TNS3: variants seen among roughly 807,000 people sequenced by gnomAD.
TNS3 encodes the protein tensin-3.
In TNS3, 45 loss-of-function variants were observed where a neutral mutation model predicts 140.9. The ratio of observed to expected loss-of-function variants is 0.32; its 90% CI spans 0.25 to 0.41. The LOEUF (loss-of-function observed/expected upper bound fraction) is 0.41. Ranked by LOEUF, TNS3 falls within the 10% of genes least tolerant of loss-of-function variation. The probability of loss-of-function intolerance (pLI) is 1.00; values close to 1 mark genes in which losing one functional copy is unlikely to be tolerated. For synonymous variants in TNS3, 815 were observed against 788.4 expected (o/e 1.03, Z -0.56); for missense variants, 1,716 against 1,906.7 (o/e 0.90, Z 1.86).
At chr7:47,525,276 G>A (rs1014760408) in intron 2 of TNS3, among the ~76,000 whole-genome samples, 2 of 152,174 alleles carry the variant, frequency 1.3e-5, no homozygotes, top group African/African-American at 4.8e-5. Context: ...AAGAGGAGGC[G>A]GGAAAGCATC....
Position 47,368,858 on chromosome 7 carries a change from A to G in TNS3, c.1788T>C (p.Val596=). The G allele has an allele frequency of 6.2e-7, 1 of 1,613,672 alleles. No individual in the cohort carries two copies. The highest frequency in any genetic ancestry group is 1.7e-5 in the Admixed American group (1 of 60,008). The change falls in exon 17 of 31, where the codon GTT becomes GTC. Residue 596 remains valine, a synonymous_variant. Transcript: ENST00000311160. The stretch of plus-strand genomic sequence containing the variant: ...GGGCGAAGCTATACTGGTGAGCTAC[A>G]ACCATCTGCTGCTGGCGCACCCAGG... ...TQTWVRQQQM[V]VAHQYSFAPD...
intron 20 of TNS3, among the ~76,000 whole-genome samples, chr7:47,308,684 C>A (rs1287854204): frequency 6.6e-6 from 1 of 152,136 alleles, no homozygotes; most frequent in Non-Finnish European, 1.5e-5. Context: ...AGTCATGCTC[C>A]ATCTAGTGCA....
intron 20 of TNS3, 42 bp from the exon 21 acceptor site, chr7:47,305,045 G>T: frequency 7.6e-7 from 1 of 1,312,694 alleles, no homozygotes; most frequent in Non-Finnish European, 9.8e-7. Context: ...TCGGTTGTAG[G>T]ACTGGAGAAG....
chr7:47,368,807 G>T lies in TNS3; in HGVS notation c.1839C>A (p.Ser613Arg). ...FAPDGEARLV[S>R]RCPADNPGLV... ...GGCCAGGATTGTCTGCAGGGCAGCG[G>T]CTCACCAGCCGGGCCTCCCCATCTG... The change falls in exon 17 of 31, where the codon AGC becomes AGA. Residue 613 changes from serine (S) to arginine (R), a missense_variant. Ser to Arg is a moderately radical substitution (Grantham distance 110). Transcript: ENST00000311160. 1 of 1,609,672 alleles carries T rather than the reference G, an allele frequency of 6.2e-7. No homozygotes were observed.
intron 20 of TNS3, among the ~76,000 whole-genome samples, chr7:47,325,510 T>C (rs1460911006): frequency 1.3e-5 from 2 of 152,150 alleles, no homozygotes; most frequent in African/African-American, 4.8e-5. Flanking sequence ...ATTCCAGTGA[T>C]TTCTTAGTCC....
In TNS3 at chr7:47,297,185, C is replaced by G; in HGVS notation, c.3573G>C (p.Pro1191=). 6.2e-7 allele frequency: 1 copy of G among 1,613,128 alleles called. No homozygotes were observed. The highest frequency in any genetic ancestry group is 8.5e-7 in the Non-Finnish European group (1 of 1,179,746). ...QAIAMLKDKE[P]GSFIVRDSHS... is the part of the protein sequence containing the mutation. Reference sequence around the variant, plus strand: ...GGCTGTCTCGAACAATGAATGAGCCCGGCTCCTTGTCCTTCAACATGGCGA... The same window carrying G: ...GGCTGTCTCGAACAATGAATGAGCCGGGCTCCTTGTCCTTCAACATGGCGA... Residue 1191 remains proline, a synonymous_variant, in exon 24 of 31, where the codon CCG becomes CCC. Coordinates refer to ENST00000311160, the MANE Select transcript of TNS3 (RefSeq NM_022748.12).
intron 3 of TNS3, among the ~76,000 whole-genome samples, chr7:47,486,930 C>T (rs1797633094): frequency 6.6e-6 from 1 of 152,118 alleles, no homozygotes; most frequent in Non-Finnish European, 1.5e-5. Flanking sequence ...TCTATCTTTT[C>T]CAAATCATCA....
chr7:47,433,467 G>A (rs1462636582), intron 8 of TNS3, among the ~76,000 whole-genome samples: 1 of 152,148 alleles, frequency 6.6e-6, no homozygotes, highest in Non-Finnish European at 1.5e-5. Flanking sequence ...GCCGAAAGTT[G>A]CTTAGCAAAA....
chr7:47,458,176 C>T (rs1796335282), intron 4 of TNS3, among the ~76,000 whole-genome samples: 1 of 152,208 alleles, frequency 6.6e-6, no homozygotes, highest in African/African-American at 2.4e-5. Context: ...CTAACTGACC[C>T]GTTCAAGGTC....
rs112529519 is a variant in TNS3, at chr7:47,463,149, C to T, written c.-76+17954G>A. 7.7e-3 allele frequency among the ~76,000 whole-genome samples: 1,166 copies of T among 152,272 alleles called. 19 individuals carry two copies. The highest frequency in any genetic ancestry group is 0.027 in the African/African-American group (1,110 of 41,552). On this transcript the variant is annotated intron_variant, in intron 4 of 30. Coordinates refer to ENST00000311160, the MANE Select transcript of TNS3 (RefSeq NM_022748.12). ...GTCACAGCATTTTCACCAACCGCTT[C>T]AAGGCATAACCTTGGCCGGGTGCAG...
chr7:47,417,779 T>G (rs952009007), intron 10 of TNS3, among the ~76,000 whole-genome samples: 1 of 152,174 alleles, frequency 6.6e-6, no homozygotes, highest in African/African-American at 2.4e-5. Flanking sequence ...AACCAACATA[T>G]TGTTCAAAAT....
chr7:47,461,970 T>C (rs888873281), intron 4 of TNS3, among the ~76,000 whole-genome samples: 1 of 152,180 alleles, frequency 6.6e-6, no homozygotes, highest in African/African-American at 2.4e-5. Flanking sequence ...ATTGTAGATG[T>C]ACACTATGTA....
chr7:47,556,641 C>T (rs1800203524), intron 1 of TNS3, among the ~76,000 whole-genome samples: 1 of 152,192 alleles, frequency 6.6e-6, no homozygotes, highest in South Asian at 2.1e-4. Flanking sequence ...TTCCTCCGGT[C>T]AGTGGGTACA....
chr7:47,417,877 G>A (rs1794168452), intron 10 of TNS3, among the ~76,000 whole-genome samples: 1 of 152,232 alleles, frequency 6.6e-6, no homozygotes. Context: ...ACTATAAGCT[G>A]TAGTGAATGC....
At chr7:47,550,566 G>C (rs1254620254) in intron 1 of TNS3, among the ~76,000 whole-genome samples, 1 of 152,152 alleles carries the variant, frequency 6.6e-6, no homozygotes, top group Admixed American at 6.5e-5. Context: ...GTCTCAATGG[G>C]CAAGGCACAT....
At position 47,472,002 on chromosome 7, in the gene TNS3, G is replaced by A. The variant is rs186523691; in HGVS notation, c.-76+9101C>T. On this transcript the variant is annotated intron_variant, in intron 4 of 30. Coordinates refer to ENST00000311160, the MANE Select transcript of TNS3 (RefSeq NM_022748.12). ...GTCTGAAACCAAGGCGGCAGGCTGC[G>A]CTCCTTCTGAGAGCCCCAGGGAGGA... Among the ~76,000 whole-genome samples the A allele has an allele frequency of 3.9e-5, 6 of 152,312 alleles. No homozygotes were observed. In the South Asian group the frequency reaches 6.2e-4, roughly 16 times the overall value.
intron 4 of TNS3, among the ~76,000 whole-genome samples, chr7:47,468,024 C>A (rs902811856): frequency 6.6e-6 from 1 of 152,092 alleles, no homozygotes; most frequent in African/African-American, 2.4e-5. Context: ...CACATGCCAA[C>A]TTCTCTCCAA....
chr7:47,482,052 G>A (rs932971405), intron 3 of TNS3, among the ~76,000 whole-genome samples: 4 of 152,332 alleles, frequency 2.6e-5, no homozygotes, highest in Admixed American at 1.3e-4. Flanking sequence ...CTGGGGGGCC[G>A]CTCAGGAGCC....
intron 20 of TNS3, among the ~76,000 whole-genome samples, chr7:47,313,587 CT>C (rs1299791038): frequency 2.0e-5 from 3 of 152,210 alleles, no homozygotes; most frequent in African/African-American, 7.2e-5. Context: ...CATGCAGTAC[CT>C]GTTTCTATGA....
Sources: allele counts gnomAD v4.1 joint callset (sites outside exome capture counted in the v4.1 genomes callset), GRCh38; gene constraint gnomAD v4.1.1; transcripts MANE v1.5; gene names NCBI Gene and HGNC (gene_info 2026-07-23, HGNC 2026-07-21).